The following PHKA2 variants were observed in gnomAD, a reference collection of about 807,000 sequenced individuals.
PHKA2 encodes the protein phosphorylase kinase regulatory subunit alpha 2, also known as phosphorylase b kinase regulatory subunit alpha, liver isoform.
A neutral mutation model predicts 102.0 loss-of-function variants in PHKA2; 31 were observed. The observed-to-expected ratio is 0.30, with a 90% CI of 0.23 to 0.41. PHKA2 has a LOEUF of 0.41. Among genes scored for constraint, PHKA2 ranks in the 10% least tolerant of loss-of-function variants. The pLI is 1.00. For missense variants in PHKA2, 858 were observed against 1,023.1 expected, an observed-to-expected ratio of 0.84 and a Z score of 2.20; for synonymous variants, 455 against 416.2, an observed-to-expected ratio of 1.09 and a Z score of -1.13.
intron 13 of PHKA2, among the ~76,000 whole-genome samples, chrX:18,927,551 C>G (rs770678864): frequency 8.9e-6 from 1 of 111,930 alleles, no homozygotes; most frequent in Non-Finnish European, 1.9e-5. Flanking sequence ...CTAGTGGGGC[C>G]GGAATGTACA....
chrX:18,951,094 C>A lies in PHKA2; in HGVS notation c.454+10G>T. The A allele has an allele frequency of 2.5e-6, 3 of 1,211,200 alleles. No homozygotes were observed. The highest frequency in any genetic ancestry group is 3.4e-6 in the Non-Finnish European group (3 of 894,728). On this transcript the variant is annotated intron_variant, in intron 4 of 32. Coordinates refer to ENST00000379942, the MANE Select transcript of PHKA2 (RefSeq NM_000292.3). ...TCCTTATACAATGGGCTCCAGCAAC[C>A]CCAGCTCACCTGAGGCGGTCATCTG...
At chrX:18,952,603 C>T (rs1280563160) in intron 2 of PHKA2, 62 bp from the exon 3 acceptor site, 1 of 1,094,581 alleles carries the variant, frequency 9.1e-7, no homozygotes, top group African/African-American at 1.8e-5. Context: ...AAAATCACCT[C>T]CTGATCACTG....
At chrX:18,947,209 G>A in intron 5 of PHKA2, among the ~76,000 whole-genome samples, 1 of 112,237 alleles carries the variant, frequency 8.9e-6, no homozygotes. Flanking sequence ...AGAGACCCTA[G>A]GGCCTGTAAA....
Position 18,934,575 on chromosome X carries a change from C to T in PHKA2, c.1137+1480G>A, listed in dbSNP as rs529197375. 2.7e-4 allele frequency among the ~76,000 whole-genome samples: 30 copies of T among 112,201 alleles called. No individual in the cohort carries two copies. The South Asian group carries it at 9.6e-3, about 36-fold the overall frequency. ...CGGCAATGGCACATTCTACTTCTCA[C>T]GGAAACTCCTTCCTTTGATTTTCTA... On this transcript the variant is annotated intron_variant, in intron 11 of 32. Coordinates refer to ENST00000379942, the MANE Select transcript of PHKA2 (RefSeq NM_000292.3).
rs370432175 is a variant in PHKA2 at position 18,926,566 on chromosome X, T to C, written c.1346A>G (p.Asn449Ser). The change falls in exon 14 of 33, where the codon AAT becomes AGT. Residue 449 changes from asparagine to serine, a missense_variant. Transcript: ENST00000379942. ...TTTCCTCAATAAGTCCTTAATGTGA[T>C]TGTTTTCTGCCAAAACAGTAACTGT... ...VVQVTVLAENNHIKDLLRKHG... is the reference protein window; with the variant it reads ...VVQVTVLAENSHIKDLLRKHG... 136 of 1,208,270 alleles carry C rather than the reference T, an allele frequency of 1.1e-4. No homozygotes were observed. The highest frequency in any genetic ancestry group is 1.5e-4 in the Non-Finnish European group (131 of 893,038).
chrX:18,945,248 A>G, intron 5 of PHKA2, 90 bp from the exon 6 acceptor site: 1 of 560,549 alleles, frequency 1.8e-6, no homozygotes. Context: ...TCCTGCAGCC[A>G]CACTGAAACA....
At chrX:18,923,826 C>T (rs917001345) in intron 17 of PHKA2, among the ~76,000 whole-genome samples, 1 of 111,722 alleles carries the variant, frequency 9.0e-6, no homozygotes, top group African/African-American at 3.3e-5. Context: ...TCCCTATGTC[C>T]GAGGCCTCCT....
intron 29 of PHKA2, 84 bp from the exon 30 acceptor site, chrX:18,897,417 G>T: frequency 1.1e-6 from 1 of 929,987 alleles, no homozygotes; most frequent in Non-Finnish European, 1.5e-6. Flanking sequence ...GCGGCCCTGC[G>T]ACCTAGGCAC....
At chrX:18,943,635 G>A (rs2048531424) in intron 7 of PHKA2, 75 bp downstream of exon 7, 1 of 817,255 alleles carries the variant, frequency 1.2e-6, no homozygotes, top group South Asian at 2.0e-5. Flanking sequence ...GCAAGGTGGG[G>A]AATCTGCACT....
intron 4 of PHKA2, 105 bp from the exon 5 acceptor site, chrX:18,948,931 AT>A (rs767410982): frequency 1.8e-6 from 1 of 568,517 alleles, no homozygotes; most frequent in Non-Finnish European, 3.0e-6. Context: ...CCTCATTTTC[AT>A]TTTTCTTCCA....
Position 18,901,602 on chromosome X carries a change from C to T in PHKA2, c.2910G>A (p.Val970=), listed in dbSNP as rs147879086. ...SGKEFGVERS[V]RPIHSSTSSP... ...TGGATGTGGAGGAGTGGATAGGGCGCACTGGGTGGGAAACACACACACGTG... is the reference window on the plus strand; with the variant it reads ...TGGATGTGGAGGAGTGGATAGGGCGTACTGGGTGGGAAACACACACACGTG... Residue 970 remains valine, a splice_region_variant and synonymous_variant, in exon 27 of 33, where the codon GTG becomes GTA. Coordinates refer to ENST00000379942, the MANE Select transcript of PHKA2 (RefSeq NM_000292.3). The T allele has an allele frequency of 2.6e-6, 3 of 1,159,961 alleles. No homozygotes were observed. The highest frequency in any genetic ancestry group is 3.0e-5 in the East Asian group (1 of 33,539).
At chrX:18,964,801 T>A (rs2048916447) in intron 1 of PHKA2, among the ~76,000 whole-genome samples, 1 of 112,955 alleles carries the variant, frequency 8.9e-6, no homozygotes, top group Non-Finnish European at 1.9e-5. Flanking sequence ...AGATAGATTT[T>A]GTACAATTTG....
At chrX:18,981,392 T>A (rs1344053813) in intron 1 of PHKA2, among the ~76,000 whole-genome samples, 1 of 111,340 alleles carries the variant, frequency 9.0e-6, no homozygotes, top group African/African-American at 3.3e-5. Flanking sequence ...CTCACACAAC[T>A]TTTTTTTAAT....
At chrX:18,949,160 G>A (rs1460024607) in intron 4 of PHKA2, among the ~76,000 whole-genome samples, 1 of 111,623 alleles carries the variant, frequency 9.0e-6, no homozygotes, top group Admixed American at 9.5e-5. Flanking sequence ...AAGGATTTTA[G>A]TCCAGAAGAA....
At chrX:18,903,932 G>A (rs987103929) in intron 26 of PHKA2, among the ~76,000 whole-genome samples, 2 of 111,518 alleles carry the variant, frequency 1.8e-5, no homozygotes, top group African/African-American at 6.5e-5. Context: ...CTACCAACTC[G>A]AGCCCTACCT....
chrX:18,978,079 C>T (rs1414456976), intron 1 of PHKA2, among the ~76,000 whole-genome samples: 10 of 110,884 alleles, frequency 9.0e-5, no homozygotes, highest in African/African-American at 3.0e-4. Flanking sequence ...ATTGCTTGAA[C>T]TCGGGAGGCG....
chrX:18,908,122 ACTGTG>A, intron 21 of PHKA2, 66 bp from the exon 22 acceptor site: 2 of 1,080,044 alleles, frequency 1.9e-6, no homozygotes. Flanking sequence ...GGAATGGATC[ACTGTG>A]CATTTTGCAC....
In PHKA2 at chrX:18,906,280, C is replaced by T. The variant is rs142383950; in HGVS notation, c.2806+215G>A. Among the ~76,000 whole-genome samples the T allele has an allele frequency of 6.8e-3, 762 of 112,283 alleles. 1 individual carries two copies. Among genetic ancestry groups the T allele is most frequent in the South Asian group, 0.016 (42 of 2,704 alleles). On this transcript the variant is annotated intron_variant, in intron 25 of 32. Coordinates refer to ENST00000379942, the MANE Select transcript of PHKA2 (RefSeq NM_000292.3). ...TTGAGGCTATAATGGTAAACATCAC[C>T]AGAGCCCCATTCTCCCTGACTTATG...
intron 20 of PHKA2, among the ~76,000 whole-genome samples, chrX:18,909,493 G>T (rs899988491): frequency 6.2e-5 from 7 of 112,086 alleles, no homozygotes; most frequent in Non-Finnish European, 1.1e-4. Flanking sequence ...CACTCCTAGG[G>T]CGTGAAAATA....
Sources: gnomAD v4.1 joint callset for allele counts (sites outside exome capture counted in the v4.1 genomes callset) on GRCh38, gnomAD v4.1.1 for gene constraint, MANE v1.5 for transcripts, NCBI Gene and HGNC (gene_info 2026-07-23, HGNC 2026-07-21) for gene names.